RIMS2: variants seen among roughly 807,000 people sequenced by gnomAD.
RIMS2 encodes the protein regulating synaptic membrane exocytosis 2.
Under a neutral mutation model 174.4 loss-of-function variants are expected in RIMS2, and 59 were observed. That is an observed-to-expected ratio of 0.34 (90% CI 0.27 to 0.42). The LOEUF is 0.42. Ranked by LOEUF, RIMS2 falls within the 10% of genes least tolerant of loss-of-function variation. The pLI is 1.00. For missense variants in RIMS2, 1,620 were observed against 1,666.3 expected, an observed-to-expected ratio of 0.97 and a Z score of 0.48; for synonymous variants, 606 against 572.5, an observed-to-expected ratio of 1.06 and a Z score of -0.84.
At chr8:103,741,162 T>G (rs2097758257) in intron 2 of RIMS2, among the ~76,000 whole-genome samples, 2 of 152,170 alleles carry the variant, frequency 1.3e-5, no homozygotes, top group South Asian at 4.1e-4. Context: ...AAAATTTTAC[T>G]GGAAATTCAT....
At chr8:104,027,963 C>T (rs1212162158) in intron 19 of RIMS2, among the ~76,000 whole-genome samples, 2 of 152,034 alleles carry the variant, frequency 1.3e-5, no homozygotes, top group African/African-American at 2.4e-5. Flanking sequence ...GAAAGGGTCT[C>T]ACTGTCACTC....
chr8:104,035,475 C>A (rs912280727), intron 19 of RIMS2, among the ~76,000 whole-genome samples: 1 of 148,624 alleles, frequency 6.7e-6, no homozygotes, highest in African/African-American at 2.5e-5. Context: ...ATATTGTGTT[C>A]TTTATGGAAT....
At chr8:104,212,250 T>C (rs555702253) in intron 19 of RIMS2, among the ~76,000 whole-genome samples, 1 of 152,136 alleles carries the variant, frequency 6.6e-6, no homozygotes. Flanking sequence ...AATTATATCC[T>C]CTGGAGGGAA....
At chr8:103,841,293 A>C (rs1472092079) in intron 3 of RIMS2, among the ~76,000 whole-genome samples, 1 of 152,214 alleles carries the variant, frequency 6.6e-6, no homozygotes, top group Non-Finnish European at 1.5e-5. Context: ...ATGTATTTCA[A>C]GATCTGAAAT....
At chr8:103,675,435 G>T (rs955292930) in intron 1 of RIMS2, among the ~76,000 whole-genome samples, 1 of 152,180 alleles carries the variant, frequency 6.6e-6, no homozygotes, top group African/African-American at 2.4e-5. Flanking sequence ...GACCAGGGAG[G>T]AATGGGCTTG....
intron 2 of RIMS2, among the ~76,000 whole-genome samples, chr8:103,763,379 T>A (rs1411614290): frequency 6.7e-6 from 1 of 150,128 alleles, no homozygotes; most frequent in Non-Finnish European, 1.5e-5. Context: ...GAGGCTACAG[T>A]GAACTGATAT....
intron 17 of RIMS2, among the ~76,000 whole-genome samples, chr8:104,000,299 A>T (rs2095328293): frequency 6.6e-6 from 1 of 151,682 alleles, no homozygotes. Flanking sequence ...GAAACATGCA[A>T]TATTTGTCTT....
intron 16 of RIMS2, among the ~76,000 whole-genome samples, chr8:103,988,344 A>G (rs1483958599): frequency 6.6e-6 from 1 of 152,206 alleles, no homozygotes; most frequent in Non-Finnish European, 1.5e-5. Context: ...ATAAATTAAA[A>G]ACTGGACTCC....
At chr8:104,129,656 A>G (rs1260878119) in intron 19 of RIMS2, among the ~76,000 whole-genome samples, 1 of 152,228 alleles carries the variant, frequency 6.6e-6, no homozygotes, top group Non-Finnish European at 1.5e-5. Flanking sequence ...ACAGATGGGC[A>G]GATATTTGTG....
At chr8:104,100,003 T>C (rs2097843318) in intron 19 of RIMS2, among the ~76,000 whole-genome samples, 1 of 151,902 alleles carries the variant, frequency 6.6e-6, no homozygotes, top group Admixed American at 6.6e-5. Context: ...AAATTTTTTG[T>C]AGCGACGGGG....
chr8:103,544,212 T>A (rs943332893), intron 1 of RIMS2, among the ~76,000 whole-genome samples: 3 of 152,302 alleles, frequency 2.0e-5, no homozygotes, highest in African/African-American at 7.2e-5. Flanking sequence ...ACTCCTGTTG[T>A]CCGGGGAAAC....
intron 19 of RIMS2, among the ~76,000 whole-genome samples, chr8:104,080,528 TTA>T (rs1378551015): frequency 2.6e-5 from 4 of 152,028 alleles, no homozygotes; most frequent in African/African-American, 9.6e-5. Context: ...GAGAATAAAT[TTA>T]TATGTGTAAT....
chr8:104,083,967 G>T lies in RIMS2; in HGVS notation c.3334+69352G>T, dbSNP rs73297533. Among the ~76,000 whole-genome samples, 1,396 of 152,074 alleles carry T rather than the reference G, an allele frequency of 9.2e-3. 13 individuals are homozygous for T. Among genetic ancestry groups the T allele is most frequent in the African/African-American group, 0.031 (1,282 of 41,510 alleles). ...TAAGTGTTAATGTTATATATTATCT[G>T]TAAAAGGTTAAAAAGCTGTTTTATC... On this transcript the variant is annotated intron_variant, in intron 19 of 23. Coordinates refer to ENST00000504942, the Ensembl canonical transcript of RIMS2.
chr8:103,990,415 A>G (rs184085537), intron 17 of RIMS2, among the ~76,000 whole-genome samples: 3 of 152,236 alleles, frequency 2.0e-5, no homozygotes, highest in South Asian at 2.1e-4. Flanking sequence ...AGAAGAAATT[A>G]TATGTAAGAA....
intron 3 of RIMS2, among the ~76,000 whole-genome samples, chr8:103,783,835 A>G (rs36157453): frequency 0.23 from 34,177 of 150,618 alleles, 4,136 homozygotes; most frequent in Non-Finnish European, 0.25. Flanking sequence ...TCCCTGAGGA[A>G]TCGCCACACT....
chr8:103,573,704 TG>T, intron 1 of RIMS2, among the ~76,000 whole-genome samples: 1 of 152,308 alleles, frequency 6.6e-6, no homozygotes, highest in South Asian at 2.1e-4. Context: ...GGCTCTTTTT[TG>T]GATCCATATG....
chr8:103,671,038 G>A (rs561186803), intron 1 of RIMS2, among the ~76,000 whole-genome samples: 18 of 152,132 alleles, frequency 1.2e-4, no homozygotes, highest in African/African-American at 4.1e-4. Flanking sequence ...ATGGTTCCAC[G>A]TGCCTGGGGA....
At chr8:103,933,865 T>C (rs528421061) in intron 12 of RIMS2, among the ~76,000 whole-genome samples, 1 of 152,236 alleles carries the variant, frequency 6.6e-6, no homozygotes, top group East Asian at 1.9e-4. Flanking sequence ...TTTTTGACAA[T>C]TTTTTTGAAA....
chr8:104,192,513 A>C (rs1718354200), intron 19 of RIMS2, among the ~76,000 whole-genome samples: 1 of 152,254 alleles, frequency 6.6e-6, no homozygotes, highest in Non-Finnish European at 1.5e-5. Context: ...TGGAGATAAA[A>C]ATTTTTATTT....
Sources: allele counts gnomAD v4.1 joint callset (sites outside exome capture counted in the v4.1 genomes callset), GRCh38; gene constraint gnomAD v4.1.1; transcripts MANE v1.5; gene names NCBI Gene and HGNC (gene_info 2026-07-23, HGNC 2026-07-21).